The following INPP5D variants were observed in gnomAD, a reference collection of about 807,000 sequenced individuals.
INPP5D encodes the protein phosphatidylinositol 3,4,5-trisphosphate 5-phosphatase 1.
In INPP5D, 33 loss-of-function variants were observed where a neutral mutation model predicts 122.9. The ratio of observed to expected loss-of-function variants is 0.27; its 90% confidence interval spans 0.20 to 0.36. The LOEUF is 0.36. Among genes scored for constraint, INPP5D ranks in the 10% least tolerant of loss-of-function variants. The probability of loss-of-function intolerance (pLI) is 1.00; values close to 1 mark genes in which losing one functional copy is unlikely to be tolerated. For missense variants in INPP5D, 1,053 were observed against 1,412.7 expected (o/e 0.75, Z 4.08); for synonymous variants, 584 against 576.2 (o/e 1.01, Z -0.19).
chr2:233,076,682 A>G (rs944640118), intron 1 of INPP5D, among the ~76,000 whole-genome samples: 1 of 152,266 alleles, frequency 6.6e-6, no homozygotes, highest in African/African-American at 2.4e-5. Flanking sequence ...TTCATAACTA[A>G]GCAAAAAATG....
At chr2:233,184,336 A>G in intron 19 of INPP5D, 72 bp from the exon 20 acceptor site, 2 of 1,561,056 alleles carry the variant, frequency 1.3e-6, no homozygotes, top group Admixed American at 1.9e-5. Flanking sequence ...AGTATGTGGC[A>G]TGAGAACTAA....
chr2:233,072,397 T>G (rs549006662), intron 1 of INPP5D, among the ~76,000 whole-genome samples: 68 of 152,346 alleles, frequency 4.5e-4, no homozygotes, highest in African/African-American at 1.4e-3. Context: ...GATACAATAC[T>G]TTTTTATTGT....
intron 5 of INPP5D, chr2:233,131,112 T>C: frequency 1.0e-6 from 1 of 957,202 alleles, no homozygotes; most frequent in African/African-American, 1.8e-5. Context: ...CAAAGGGAGA[T>C]GATTCACCAA....
intron 2 of INPP5D, among the ~76,000 whole-genome samples, chr2:233,083,183 T>TCA (rs916811343): frequency 2.0e-5 from 3 of 152,034 alleles, no homozygotes; most frequent in African/African-American, 7.3e-5. Context: ...AAAGTAGAGA[T>TCA]CACACACATA....
intron 18 of INPP5D, among the ~76,000 whole-genome samples, chr2:233,180,659 C>A (rs1443325214): frequency 6.6e-6 from 1 of 152,266 alleles, no homozygotes; most frequent in Non-Finnish European, 1.5e-5. Context: ...CCGCCTCAGC[C>A]TCCCAAGCAG....
At chr2:233,159,517 G>A (rs1236957172) in intron 10 of INPP5D, among the ~76,000 whole-genome samples, 1 of 149,220 alleles carries the variant, frequency 6.7e-6, no homozygotes, top group Non-Finnish European at 1.5e-5. Context: ...GTGCAAGATG[G>A]TGAGACCTCA....
chr2:233,139,832 C>G lies in INPP5D; in HGVS notation c.666-10C>G. On this transcript the variant is annotated splice_polypyrimidine_tract_variant and intron_variant, in intron 5 of 26. Transcript: ENST00000445964. Reference sequence around the variant, plus strand: ...TAATCCTTGATGTTCACCTTGTCCCCTGCCCCCAGAGAAGTCATCCGGACC... The same window carrying G: ...TAATCCTTGATGTTCACCTTGTCCCGTGCCCCCAGAGAAGTCATCCGGACC... 2.5e-6 allele frequency: 1 copy of G among 398,802 alleles called. No individual in the cohort carries two copies. 24.7% of individuals were successfully genotyped at this position (398,802 alleles called of 1,614,324 possible). A position where few individuals can be genotyped will look rare whatever the true frequency, so the allele number is the denominator to read the frequency against.
At chr2:233,062,786 T>A (rs1691109733) in intron 1 of INPP5D, among the ~76,000 whole-genome samples, 1 of 152,172 alleles carries the variant, frequency 6.6e-6, no homozygotes. Context: ...CAGGCTCCAC[T>A]GTAGGCCGTG....
At chr2:233,141,822 A>C (rs1693637304) in intron 6 of INPP5D, among the ~76,000 whole-genome samples, 1 of 152,162 alleles carries the variant, frequency 6.6e-6, no homozygotes, top group Admixed American at 6.5e-5. Flanking sequence ...CAGGGATGAG[A>C]CTGGGGAGAA....
chr2:233,172,206 G>A (rs59836591), intron 17 of INPP5D, among the ~76,000 whole-genome samples: 31,162 of 152,158 alleles, frequency 0.2, 3,423 homozygotes, highest in East Asian at 0.42. Context: ...AGGTCCTTGG[G>A]GATCCCTGTG....
intron 20 of INPP5D, 129 bp from the exon 21 acceptor site, chr2:233,185,714 T>TAAAA (rs34533084): frequency 3.4e-4 from 216 of 626,328 alleles, no homozygotes; most frequent in Non-Finnish European, 4.0e-4. Flanking sequence ...GGCCCCGAGA[T>TAAAA]AAAAAAAAAA....
intron 4 of INPP5D, among the ~76,000 whole-genome samples, chr2:233,129,482 C>T (rs1327579706): frequency 6.6e-6 from 1 of 152,208 alleles, no homozygotes; most frequent in Non-Finnish European, 1.5e-5. Flanking sequence ...CTTTAGGGGG[C>T]GCCCCTCGTG....
At chr2:233,195,798 C>G (rs1183538086) in intron 24 of INPP5D, among the ~76,000 whole-genome samples, 1 of 152,180 alleles carries the variant, frequency 6.6e-6, no homozygotes, top group Non-Finnish European at 1.5e-5. Context: ...AAAACCCCAT[C>G]TCTACTAAAA....
chr2:233,176,322 T>TGGAC (rs1694624772), intron 17 of INPP5D, among the ~76,000 whole-genome samples: 1 of 84,614 alleles, frequency 1.2e-5, no homozygotes, highest in African/African-American at 3.8e-5. Flanking sequence ...GTGCGATGGA[T>TGGAC]GGATGGATGG....
At chr2:233,140,229 C>G (rs1693603462) in intron 6 of INPP5D, 1 of 189,406 alleles carries the variant, frequency 5.3e-6, no homozygotes, top group African/African-American at 2.3e-5. Context: ...CATTTCTTAT[C>G]AGAAACTGAA....
chr2:233,142,438 A>C (rs1269784532), intron 6 of INPP5D, among the ~76,000 whole-genome samples: 6 of 152,270 alleles, frequency 3.9e-5, no homozygotes, highest in African/African-American at 1.2e-4. Context: ...ATATCTCTGC[A>C]GGGTTTGGTT....
At chr2:233,139,774 G>A (rs1224895128) in intron 5 of INPP5D, 68 bp from the exon 6 acceptor site, 7 of 397,164 alleles carry the variant, frequency 1.8e-5, no homozygotes, top group South Asian at 1.3e-4. Context: ...GCTAGAGCCC[G>A]TGCTGCCATG....
intron 9 of INPP5D, among the ~76,000 whole-genome samples, chr2:233,152,006 G>A (rs1326094399): frequency 1.3e-5 from 2 of 152,216 alleles, no homozygotes; most frequent in African/African-American, 4.8e-5. Flanking sequence ...TTTACAGTTG[G>A]TGCTGAGAGG....
Position 233,204,417 on chromosome 2 carries a change from ATCC to A in INPP5D, c.3270_3272del (p.Ser1091del). 1.9e-6 allele frequency: 3 copies of A among 1,609,554 alleles called. No individual in the cohort carries two copies. The highest frequency in any genetic ancestry group is 2.5e-6 in the Non-Finnish European group (3 of 1,178,540). ...CCCGGCTGCGCTCCTTCACGTGCTC[ATCC>A]TCTGCCGAGGGCAGGGCGGCCGGCG... On this transcript the variant is annotated inframe_deletion, in exon 26 of 27. Coordinates refer to ENST00000445964, the MANE Select transcript of INPP5D (RefSeq NM_001017915.3).
Sources: allele counts gnomAD v4.1 joint callset (sites outside exome capture counted in the v4.1 genomes callset), GRCh38; gene constraint gnomAD v4.1.1; transcripts MANE v1.5; gene names NCBI Gene and HGNC (gene_info 2026-07-23, HGNC 2026-07-21).